Variants in FER1L6 observed in about 807,000 individuals in gnomAD.
The protein encoded by FER1L6 is fer-1 like family member 6, also known as fer-1-like protein 6.
In FER1L6, 177 loss-of-function variants were observed where a neutral mutation model predicts 219.2. The observed-to-expected ratio is 0.81, with a 90% CI of 0.71 to 0.91. The LOEUF is 0.91. Ranked by LOEUF, FER1L6 falls within the 40% of genes least tolerant of loss-of-function variation. The pLI, the probability that FER1L6 is intolerant of heterozygous loss-of-function variation, is 0.00. For synonymous variants in FER1L6, 768 were observed against 824.3 expected (o/e 0.93, Z 1.17); for missense variants, 2,153 against 2,259.9 (o/e 0.95, Z 0.96).
Position 124,067,791 on chromosome 8 carries a change from A to T in FER1L6, c.3703A>T (p.Lys1235Ter). Residue 1235 changes from lysine (K) to a stop codon, truncating the protein, a stop_gained, in exon 28 of 41, where the codon AAA becomes TAA. Coordinates refer to ENST00000522917, the MANE Select transcript of FER1L6 (RefSeq NM_001039112.2). LOFTEE classifies it high-confidence loss of function. ...QKAKERNPKG[K>*]KGNTEAKPDE... ...GGCAAAGGAGAGAAATCCCAAGGGA[A>T]AAAAAGGCAATACAGGTAAGCAGTT... The T allele has an allele frequency of 1.2e-6, 2 of 1,612,748 alleles. No individual in the cohort carries two copies. The highest frequency in any genetic ancestry group is 1.7e-6 in the Non-Finnish European group (2 of 1,178,766).
intron 1 of FER1L6, among the ~76,000 whole-genome samples, chr8:123,868,478 A>T (rs2130272398): frequency 6.6e-6 from 1 of 152,270 alleles, no homozygotes; most frequent in East Asian, 1.9e-4. Context: ...TGATCATTTT[A>T]TTTATGATAA....
intron 17 of FER1L6, among the ~76,000 whole-genome samples, chr8:124,023,056 T>C (rs192965366): frequency 6.6e-6 from 1 of 152,244 alleles, no homozygotes; most frequent in African/African-American, 2.4e-5. Context: ...GCTGAAACTA[T>C]AGGCAAGTGT....
intron 1 of FER1L6, among the ~76,000 whole-genome samples, chr8:123,945,440 TAA>T (rs2130026641): frequency 6.6e-6 from 1 of 152,366 alleles, no homozygotes; most frequent in East Asian, 1.9e-4. Flanking sequence ...TCACTGAAGA[TAA>T]GTTGTTTTTA....
At chr8:124,115,569 G>A (rs1388509233) in intron 39 of FER1L6, among the ~76,000 whole-genome samples, 1 of 152,124 alleles carries the variant, frequency 6.6e-6, no homozygotes, top group Non-Finnish European at 1.5e-5. Context: ...GGGCCTGTGG[G>A]ACTTTTCTGG....
intron 17 of FER1L6, among the ~76,000 whole-genome samples, chr8:124,023,043 G>A (rs1223588870): frequency 6.6e-6 from 1 of 152,180 alleles, no homozygotes; most frequent in African/African-American, 2.4e-5. Context: ...AGCCTCCTGA[G>A]TAGCTGAAAC....
intron 32 of FER1L6, among the ~76,000 whole-genome samples, chr8:124,081,337 T>TCAGA (rs1439643424): frequency 6.6e-6 from 1 of 151,950 alleles, no homozygotes; most frequent in African/African-American, 2.4e-5. Flanking sequence ...TCACAGAAAA[T>TCAGA]CAGACAGCAT....
intron 34 of FER1L6, 88 bp downstream of exon 34, chr8:124,091,671 T>A: frequency 1.4e-6 from 2 of 1,416,650 alleles, no homozygotes; most frequent in Non-Finnish European, 1.9e-6. Flanking sequence ...GACATCTAAT[T>A]ATAAAAGTAA....
chr8:124,096,844 A>T (rs1822315673), intron 35 of FER1L6, among the ~76,000 whole-genome samples: 1 of 152,180 alleles, frequency 6.6e-6, no homozygotes, highest in Admixed American at 6.5e-5. Flanking sequence ...TGGGGTCAAC[A>T]CAAGGGTTGA....
rs573666780 is a variant in FER1L6 at position 124,114,772 on chromosome 8, A to G, written c.5290-4072A>G. Among the ~76,000 whole-genome samples, 28 of 151,792 alleles carry G rather than the reference A, an allele frequency of 1.8e-4. No individual in the cohort carries two copies. In the South Asian group the frequency reaches 5.8e-3, roughly 32 times the overall value. ...GTTGTATGCATGTATATATTTGTAT[A>G]TAACTACATGTGTATTTTTGTGGTC... On this transcript the variant is annotated intron_variant, in intron 39 of 40. Transcript: ENST00000522917.
intron 2 of FER1L6, 139 bp downstream of exon 2, chr8:123,956,213 C>G (rs1450325855): frequency 1.3e-6 from 1 of 789,266 alleles, no homozygotes; most frequent in African/African-American, 1.7e-5. Context: ...TTAGGTCCTT[C>G]TAGTCACAGG....
chr8:124,041,599 C>T (rs1394518510), intron 20 of FER1L6, among the ~76,000 whole-genome samples: 2 of 152,180 alleles, frequency 1.3e-5, no homozygotes, highest in Non-Finnish European at 2.9e-5. Flanking sequence ...ACACGAGTCA[C>T]TACACTATGA....
rs1466547160 is a variant in FER1L6 at position 124,070,158 on chromosome 8, T to G, written c.3835-309T>G. Among the ~76,000 whole-genome samples the G allele has an allele frequency of 3.9e-5, 6 of 152,372 alleles. No homozygotes were observed. The East Asian group carries it at 9.6e-4, about 24-fold the overall frequency. On this transcript the variant is annotated intron_variant, in intron 29 of 40. Coordinates refer to ENST00000522917, the MANE Select transcript of FER1L6 (RefSeq NM_001039112.2). ...TGAATCTCCTCAAAGTATTATAGTC[T>G]ATATCCAACAACCAATGGCATCAAC...
At chr8:123,904,545 A>G (rs1404859088) in intron 1 of FER1L6, among the ~76,000 whole-genome samples, 1 of 152,160 alleles carries the variant, frequency 6.6e-6, no homozygotes, top group African/African-American at 2.4e-5. Context: ...AGTAAAAGCA[A>G]CTACTTCCTA....
chr8:123,898,711 A>G (rs544096680), intron 1 of FER1L6, among the ~76,000 whole-genome samples: 3 of 146,358 alleles, frequency 2.0e-5, no homozygotes, highest in South Asian at 2.1e-4. Flanking sequence ...GTATACGTAT[A>G]TACGTATATG....
chr8:123,977,664 C>T, intron 10 of FER1L6, 55 bp downstream of exon 10: 2 of 1,545,954 alleles, frequency 1.3e-6, no homozygotes, highest in Non-Finnish European at 1.8e-6. Context: ...GCTTTAGAGC[C>T]CTCATCTTTA....
intron 1 of FER1L6, among the ~76,000 whole-genome samples, chr8:123,921,867 G>C (rs2129841783): frequency 6.6e-6 from 1 of 152,254 alleles, no homozygotes; most frequent in East Asian, 1.9e-4. Flanking sequence ...AGACTTGAAA[G>C]GTGTTTGTCA....
intron 39 of FER1L6, among the ~76,000 whole-genome samples, chr8:124,112,900 A>G (rs1199222645): frequency 6.6e-6 from 1 of 152,188 alleles, no homozygotes; most frequent in Non-Finnish European, 1.5e-5. Context: ...ATGTGAATGT[A>G]TAGGAAATTT....
chr8:123,929,522 G>C (rs1813690186), intron 1 of FER1L6, among the ~76,000 whole-genome samples: 1 of 152,162 alleles, frequency 6.6e-6, no homozygotes, highest in Admixed American at 6.5e-5. Flanking sequence ...CCCTTTTCTA[G>C]GGAGGAAGTC....
intron 14 of FER1L6, 35 bp from the exon 15 acceptor site, chr8:124,013,396 C>T (rs546865823): frequency 4.1e-5 from 54 of 1,320,406 alleles, no homozygotes; most frequent in Non-Finnish European, 5.2e-5. Flanking sequence ...TCATTACCAC[C>T]GCCTCATCTC....
Sources: gnomAD v4.1 joint callset for allele counts (sites outside exome capture counted in the v4.1 genomes callset) on GRCh38, gnomAD v4.1.1 for gene constraint, MANE v1.5 for transcripts, NCBI Gene and HGNC (gene_info 2026-07-23, HGNC 2026-07-21) for gene names.